ATP2B1: variants seen among roughly 807,000 people sequenced by gnomAD.
ATP2B1 encodes ATPase plasma membrane Ca2+ transporting 1.
Under a neutral mutation model 124.2 loss-of-function variants are expected in ATP2B1, and 14 were observed. The observed-to-expected ratio is 0.11, with a 90% CI of 0.07 to 0.18. The LOEUF (loss-of-function observed/expected upper bound fraction) is 0.18, where lower values mean the gene tolerates loss of function less well. ATP2B1 is among the 10% of genes least tolerant of loss of function. The probability of loss-of-function intolerance (pLI) is 1.00; values close to 1 mark genes in which losing one functional copy is unlikely to be tolerated. For synonymous variants in ATP2B1, 449 were observed against 492.4 expected (o/e 0.91, Z 1.17); for missense variants, 763 against 1,466.1 (o/e 0.52, Z 7.83).
At chr12:89,620,974 T>G (rs947859649) in intron 10 of ATP2B1, among the ~76,000 whole-genome samples, 8 of 152,136 alleles carry the variant, frequency 5.3e-5, no homozygotes, top group Non-Finnish European at 1.0e-4. Context: ...TAGAAGAGAT[T>G]AAGTCAAACA....
intron 5 of ATP2B1, among the ~76,000 whole-genome samples, chr12:89,633,015 A>G (rs1279836807): frequency 6.6e-6 from 1 of 152,168 alleles, no homozygotes. Flanking sequence ...CATAGCAAAC[A>G]GGAGACTATC....
At chr12:89,682,363 T>C (rs1182062696) in intron 1 of ATP2B1, among the ~76,000 whole-genome samples, 1 of 152,132 alleles carries the variant, frequency 6.6e-6, no homozygotes, top group African/African-American at 2.4e-5. Flanking sequence ...TTTAGTTTAG[T>C]TTTCGTTTAG....
chr12:89,635,375 A>G, intron 3 of ATP2B1, 124 bp from the exon 4 acceptor site: 1 of 1,147,298 alleles, frequency 8.7e-7, no homozygotes, highest in Non-Finnish European at 1.2e-6. Context: ...AGCAATAAAT[A>G]CTTTATTAAA....
Position 89,603,896 on chromosome 12 carries a change from C to T in ATP2B1, c.2664G>A (p.Leu888=), listed in dbSNP as rs1285857199. 1 of 1,614,032 alleles carries T rather than the reference C, an allele frequency of 6.2e-7. No homozygotes were observed. The highest frequency in any genetic ancestry group is 8.5e-7 in the Non-Finnish European group (1 of 1,179,968). Residue 888 remains leucine, a synonymous_variant, in exon 17 of 21, where the codon CTG becomes CTA. Transcript: ENST00000428670. The surrounding 1 kb of genome is among the most constrained non-coding windows in gnomAD (Gnocchi z 4.3). ...GTGTATCCATTATGAGGTTTACCCA[C>T]AGCATCTGCACAGCCTTAAGCGGTG... ...QDSPLKAVQM[L]WVNLIMDTLA...
intron 11 of ATP2B1, 112 bp downstream of exon 11, chr12:89,619,887 G>A: frequency 7.3e-7 from 1 of 1,370,406 alleles, no homozygotes; most frequent in South Asian, 1.4e-5. Context: ...AAACTCTGAG[G>A]TCCTATCAAA....
intron 1 of ATP2B1, among the ~76,000 whole-genome samples, chr12:89,692,690 T>C (rs1217224794): frequency 1.3e-5 from 2 of 152,194 alleles, no homozygotes; most frequent in Non-Finnish European, 2.9e-5. Flanking sequence ...AGGTGCTCCT[T>C]ACAATTTTCA....
At chr12:89,700,207 GTTGACTGACGAATCC>G in intron 1 of ATP2B1, among the ~76,000 whole-genome samples, 1 of 152,138 alleles carries the variant, frequency 6.6e-6, no homozygotes. Context: ...GCAGAAAGGG[GTTGACTGACGAATCC>G]TTGTTTTTCT....
chr12:89,695,788 G>A (rs1017108523), intron 1 of ATP2B1, among the ~76,000 whole-genome samples: 5 of 152,100 alleles, frequency 3.3e-5, no homozygotes, highest in Admixed American at 2.0e-4. Context: ...CTGCTCTTTA[G>A]AAGCAGGGAT....
intron 7 of ATP2B1, 108 bp from the exon 8 acceptor site, chr12:89,626,723 A>G (rs1880930831): frequency 3.9e-6 from 5 of 1,284,164 alleles, no homozygotes; most frequent in Non-Finnish European, 5.2e-6. Context: ...CAGTAAAGGT[A>G]TAAGCATTCA....
chr12:89,642,085 T>C (rs1013877258), intron 3 of ATP2B1, 73 bp downstream of exon 3: 2 of 1,407,032 alleles, frequency 1.4e-6, no homozygotes, highest in Non-Finnish European at 2.0e-6. Context: ...GGCCAGCTAT[T>C]ATTATTGTGC....
intron 3 of ATP2B1, 44 bp from the exon 4 acceptor site, chr12:89,635,295 T>G (rs1380864701): frequency 6.3e-7 from 1 of 1,585,148 alleles, no homozygotes; most frequent in Non-Finnish European, 8.6e-7. Flanking sequence ...GATTCTGAAT[T>G]GATGACAACA....
chr12:89,614,935 C>A (rs1878700237), intron 12 of ATP2B1, among the ~76,000 whole-genome samples: 1 of 152,090 alleles, frequency 6.6e-6, no homozygotes, highest in Non-Finnish European at 1.5e-5. Context: ...TTCTACTCTT[C>A]TTCATCTCTA....
At chr12:89,668,103 T>C (rs927793302) in intron 1 of ATP2B1, among the ~76,000 whole-genome samples, 3 of 152,118 alleles carry the variant, frequency 2.0e-5, no homozygotes, top group Non-Finnish European at 4.4e-5. Context: ...AATGATAGTT[T>C]AATATAGCTG....
chr12:89,615,093 A>C (rs1280163559), intron 12 of ATP2B1, among the ~76,000 whole-genome samples: 1 of 152,118 alleles, frequency 6.6e-6, no homozygotes, highest in Non-Finnish European at 1.5e-5. Context: ...ATTTATAGCC[A>C]CACTGGCCTC....
At chr12:89,677,971 T>TATATATATATATATATACACACAC (rs1461216851) in intron 1 of ATP2B1, among the ~76,000 whole-genome samples, 2 of 52,308 alleles carry the variant, frequency 3.8e-5, no homozygotes, top group African/African-American at 1.4e-4. Context: ...TATATATATA[T>TATATATATATATATATACACACAC]ACACACACAC....
At chr12:89,644,676 T>C (rs1884169684) in intron 2 of ATP2B1, among the ~76,000 whole-genome samples, 1 of 152,128 alleles carries the variant, frequency 6.6e-6, no homozygotes, top group South Asian at 2.1e-4. Context: ...GTTTGTCTTG[T>C]CTTGTGTTTG....
At chr12:89,634,343 T>G (rs144671547) in intron 5 of ATP2B1, among the ~76,000 whole-genome samples, 1 of 152,188 alleles carries the variant, frequency 6.6e-6, no homozygotes. Context: ...TTACCAGTTC[T>G]TAAGAAAAAA....
At chr12:89,628,258 C>T (rs1008892445) in intron 6 of ATP2B1, among the ~76,000 whole-genome samples, 7 of 151,790 alleles carry the variant, frequency 4.6e-5, no homozygotes, top group African/African-American at 1.7e-4. Context: ...AAAAATTAGC[C>T]GGGTGTGGTG....
chr12:89,606,650 T>C (rs1876941106), intron 15 of ATP2B1, among the ~76,000 whole-genome samples: 1 of 147,962 alleles, frequency 6.8e-6, no homozygotes, highest in Non-Finnish European at 1.5e-5. Flanking sequence ...CTCAGCTCAC[T>C]GCAAGCTCTG....
Sources: gnomAD v4.1 joint callset for allele counts (sites outside exome capture counted in the v4.1 genomes callset) on GRCh38, gnomAD v4.1.1 for gene constraint, Gnocchi (gnomAD v3.1) non-coding constraint, MANE v1.5 for transcripts, NCBI Gene and HGNC (gene_info 2026-07-23, HGNC 2026-07-21) for gene names.